The following SLC25A24 variants were observed in gnomAD, a reference collection of about 807,000 sequenced individuals.
SLC25A24 encodes the protein solute carrier family 25 member 24, also known as mitochondrial adenyl nucleotide antiporter SLC25A24.
In SLC25A24, 49 loss-of-function variants were observed where a neutral mutation model predicts 60.7. The observed-to-expected ratio is 0.81, with a 90% CI of 0.64 to 1.02. SLC25A24 has a LOEUF of 1.02. Ranked by LOEUF, SLC25A24 falls within the 50% of genes least tolerant of loss-of-function variation. The pLI is 0.00. For synonymous variants in SLC25A24, 202 were observed against 200.6 expected (o/e 1.01, Z -0.06); for missense variants, 564 against 586.3 (o/e 0.96, Z 0.39).
chr1:108,136,823 AAC>A lies in SLC25A24; in HGVS notation c.1262_1263del (p.Gly421ValfsTer45). 6.2e-7 allele frequency: 1 copy of A among 1,613,946 alleles called. No homozygotes were observed. The highest frequency in any genetic ancestry group is 8.5e-7 in the Non-Finnish European group (1 of 1,179,888). On this transcript the variant is annotated frameshift_variant, in exon 10 of 10. Coordinates refer to ENST00000565488, the MANE Select transcript of SLC25A24 (RefSeq NM_013386.5). LOFTEE classifies it high-confidence loss of function. ...TRMQAQAMLE[G>X]SPQLNMVGLF... The stretch of plus-strand genomic sequence containing the variant: ...AGGCCAACCATATTCAGCTGTGGGG[AAC>A]CTTCTAACATGGCTAAAAAATAAAA...
intron 3 of SLC25A24, among the ~76,000 whole-genome samples, chr1:108,167,620 G>T (rs971749485): frequency 6.6e-6 from 1 of 152,020 alleles, no homozygotes; most frequent in Non-Finnish European, 1.5e-5. Context: ...TGCACTTCCC[G>T]AGTGAGGCAA....
intron 1 of SLC25A24, among the ~76,000 whole-genome samples, chr1:108,186,868 G>A (rs545132516): frequency 1.3e-5 from 2 of 151,962 alleles, no homozygotes; most frequent in East Asian, 1.9e-4. Flanking sequence ...ACCTGAGGTC[G>A]GGAGTTCAAG....
In SLC25A24 at chr1:108,157,384, C is replaced by T. The variant is rs572993427; in HGVS notation, c.669+78G>A. On this transcript the variant is annotated intron_variant, in intron 5 of 9. Transcript: ENST00000565488. ...AGATTATTACTGAGAAATTTTAAAACTTCTTTTTCAAAGCACCACATTTCT... is the reference window on the plus strand; with the variant it reads ...AGATTATTACTGAGAAATTTTAAAATTTCTTTTTCAAAGCACCACATTTCT... 12 of 1,451,112 alleles carry T rather than the reference C, an allele frequency of 8.3e-6. No individual in the cohort carries two copies. In the East Asian group the frequency reaches 2.8e-4, roughly 33 times the overall value. 89.9% of individuals were successfully genotyped at this position (1,451,112 alleles called of 1,614,324 possible).
chr1:108,195,812 A>G (rs941328308), intron 1 of SLC25A24, among the ~76,000 whole-genome samples: 1 of 152,166 alleles, frequency 6.6e-6, no homozygotes, highest in Non-Finnish European at 1.5e-5. Flanking sequence ...CAGCCTGACC[A>G]AAATGGCAAA....
intron 3 of SLC25A24, among the ~76,000 whole-genome samples, chr1:108,168,527 T>C (rs1647307724): frequency 6.6e-6 from 1 of 152,190 alleles, no homozygotes; most frequent in South Asian, 2.1e-4. Flanking sequence ...ACAGAACATT[T>C]AGGGTATTGA....
At chr1:108,143,092 T>C (rs1410983830) in intron 8 of SLC25A24, among the ~76,000 whole-genome samples, 2 of 152,158 alleles carry the variant, frequency 1.3e-5, no homozygotes, top group East Asian at 1.9e-4. Context: ...TCTAACCTAG[T>C]GGTTTGTATA....
chr1:108,157,160 A>C (rs1679924224), intron 5 of SLC25A24, among the ~76,000 whole-genome samples: 1 of 152,204 alleles, frequency 6.6e-6, no homozygotes, highest in Non-Finnish European at 1.5e-5. Context: ...AAAAGAAGGA[A>C]ACTATAAATC....
At chr1:108,180,466 T>C (rs766398258) in intron 3 of SLC25A24, among the ~76,000 whole-genome samples, 1 of 152,206 alleles carries the variant, frequency 6.6e-6, no homozygotes, top group Non-Finnish European at 1.5e-5. Context: ...GACTGAGCTG[T>C]GTCCCTCCCA....
At chr1:108,182,132 T>C (rs1647951871) in intron 2 of SLC25A24, 104 bp from the exon 3 acceptor site, 1 of 750,848 alleles carries the variant, frequency 1.3e-6, no homozygotes, top group African/African-American at 1.8e-5. Context: ...TTAAACTGAT[T>C]AAGGCAAAAT....
chr1:108,136,519 C>G lies in SLC25A24; in HGVS notation c.*134G>C. On this transcript the variant is annotated 3_prime_UTR_variant, in exon 10 of 10. Transcript: ENST00000565488. Reference sequence around the variant, plus strand: ...ATTTAGCCCAAAAGTTTGAAGTGACCATTGTTACCATCTTCCCTTTTGTGA... The same window carrying G: ...ATTTAGCCCAAAAGTTTGAAGTGACGATTGTTACCATCTTCCCTTTTGTGA... 1 of 676,016 alleles carries G rather than the reference C, an allele frequency of 1.5e-6. No individual in the cohort carries two copies. The highest frequency in any genetic ancestry group is 2.5e-6 in the Non-Finnish European group (1 of 399,420). The allele number at this position is 676,016 out of a possible 1,614,324, so 41.9% of individuals were successfully genotyped here.
chr1:108,195,906 A>C (rs1648482060), intron 1 of SLC25A24, among the ~76,000 whole-genome samples: 2 of 152,094 alleles, frequency 1.3e-5, no homozygotes, highest in South Asian at 4.2e-4. Context: ...AGGCTGAGGC[A>C]CAAGAATCGC....
chr1:108,186,106 T>C (rs1457041596), intron 1 of SLC25A24, 152 bp from the exon 2 acceptor site: 1 of 526,940 alleles, frequency 1.9e-6, no homozygotes, highest in Non-Finnish European at 3.2e-6. Context: ...CGCAAAGATC[T>C]ATAATAAAAG....
rs778755603 is a variant in SLC25A24 at position 108,161,298 on chromosome 1, A to G, written c.399-5T>C. 2.7e-6 allele frequency: 4 copies of G among 1,458,474 alleles called. No individual in the cohort carries two copies. The highest frequency in any genetic ancestry group is 3.8e-6 in the Non-Finnish European group (4 of 1,045,592). 90.3% of individuals were successfully genotyped at this position (1,458,474 alleles called of 1,614,324 possible). A position where few individuals can be genotyped will look rare whatever the true frequency, so the allele number is the denominator to read the frequency against. ...ATTGTCCCATCAACATCAATGCTGA[A>G]ATTTTAAAAAAATGATCAAAGTACA... On this transcript the variant is annotated splice_polypyrimidine_tract_variant and splice_region_variant and intron_variant, in intron 3 of 9. Transcript: ENST00000565488.
chr1:108,145,242 G>A (rs537084627), intron 7 of SLC25A24, among the ~76,000 whole-genome samples: 177 of 152,138 alleles, frequency 1.2e-3, no homozygotes, highest in South Asian at 1.9e-3. Context: ...GTTCATATCC[G>A]TCACCCACTT....
At chr1:108,193,075 C>T (rs1417908121) in intron 1 of SLC25A24, among the ~76,000 whole-genome samples, 1 of 140,086 alleles carries the variant, frequency 7.1e-6, no homozygotes, top group African/African-American at 2.5e-5. Context: ...TGGGCTATTG[C>T]AGCATAAGTG....
chr1:108,135,641 C>T lies in SLC25A24; in HGVS notation c.*1012G>A, dbSNP rs995052734. 6.6e-6 allele frequency: 1 copy of T among 152,356 alleles called. No individual in the cohort carries two copies. The highest frequency in any genetic ancestry group is 1.5e-5 in the Non-Finnish European group (1 of 68,026). The allele number at this position is 152,356 out of a possible 1,614,324, so 9.4% of individuals were successfully genotyped here. ...AGGTATCTAATGTATAAGAGTAATA[C>T]ATACTACTATTAATATGTATCTCTC... On this transcript the variant is annotated 3_prime_UTR_variant, in exon 10 of 10. Transcript: ENST00000565488.
chr1:108,154,172 A>T (rs114549486), intron 6 of SLC25A24, among the ~76,000 whole-genome samples: 1 of 151,670 alleles, frequency 6.6e-6, no homozygotes, highest in South Asian at 2.1e-4. Flanking sequence ...CAAGAACAAA[A>T]CACTCTCCAG....
At chr1:108,196,790 T>C (rs757143003) in intron 1 of SLC25A24, among the ~76,000 whole-genome samples, 5 of 149,626 alleles carry the variant, frequency 3.3e-5, no homozygotes, top group Non-Finnish European at 7.4e-5. Context: ...ACTAATCCCA[T>C]TCATGAAGGC....
chr1:108,157,701 G>A, intron 4 of SLC25A24, 81 bp from the exon 5 acceptor site: 1 of 1,451,864 alleles, frequency 6.9e-7, no homozygotes, highest in Non-Finnish European at 9.5e-7. Context: ...GAAGAATCAT[G>A]TTATTTTACA....
Sources: allele counts gnomAD v4.1 joint callset (sites outside exome capture counted in the v4.1 genomes callset), GRCh38; gene constraint gnomAD v4.1.1; transcripts MANE v1.5; gene names NCBI Gene and HGNC (gene_info 2026-07-23, HGNC 2026-07-21).